ARID5B: variants seen among roughly 807,000 people sequenced by gnomAD.
ARID5B encodes the protein AT-rich interaction domain 5B.
A neutral mutation model predicts 97.2 loss-of-function variants in ARID5B; 13 were observed. The observed-to-expected ratio is 0.13, with a 90% CI of 0.09 to 0.21. The LOEUF (loss-of-function observed/expected upper bound fraction) is 0.21. ARID5B is among the 10% of genes least tolerant of loss of function. ARID5B has a pLI of 1.00. For synonymous variants in ARID5B, 556 were observed against 570.3 expected, an observed-to-expected ratio of 0.97 and a Z score of 0.36; for missense variants, 1,210 against 1,465.3, an observed-to-expected ratio of 0.83 and a Z score of 2.84.
chr10:61,927,828 G>A (rs185791916), intron 2 of ARID5B, among the ~76,000 whole-genome samples: 14 of 152,088 alleles, frequency 9.2e-5, no homozygotes, highest in Non-Finnish European at 1.8e-4. Flanking sequence ...TTATAATACC[G>A]CATGAAAGAA....
Position 62,000,117 on chromosome 10 carries a change from A to G in ARID5B, c.529A>G (p.Ile177Val), listed in dbSNP as rs2132867451. 1.9e-6 allele frequency: 3 copies of G among 1,613,964 alleles called. No homozygotes were observed. Among genetic ancestry groups the G allele is most frequent in the Non-Finnish European group, 2.5e-6 (3 of 1,179,906 alleles). ...GGAGGACGAGGAAGAAACGAACGTG[A>G]TAGTTCTCAGCTACCCCCAGTACTG... ...LGEDEEETNV[I>V]VLSYPQYCRY... Residue 177 changes from isoleucine (I) to valine (V), a missense_variant, in exon 4 of 10, where the codon ATA becomes GTA. Physicochemically the swap from Ile to Val is conservative, Grantham distance 29 (BLOSUM62 3). This residue lies in a region of ARID5B where 82 missense variants were observed against 79.3 expected (regional missense o/e 1.03). Transcript: ENST00000279873. This position sits in a 1 kb window ranked among gnomAD's most constrained non-coding sequence, Gnocchi z 4.4.
chr10:61,936,981 G>A lies in ARID5B; in HGVS notation c.277-3202G>A, dbSNP rs182019867. ...GCAATCTGGCTGCAGAGTCCAAGAT[G>A]CTGTCTTGGCAGATAGGAAACCTGG... On this transcript the variant is annotated intron_variant, in intron 2 of 9. Transcript: ENST00000279873. 4.3e-3 allele frequency among the ~76,000 whole-genome samples: 658 copies of A among 152,292 alleles called. 2 individuals are homozygous for A. The highest frequency in any genetic ancestry group is 6.7e-3 in the Non-Finnish European group (454 of 68,020).
Position 62,000,107 on chromosome 10 carries a change from A to C in ARID5B, c.519A>C (p.Glu173Asp). 1 of 1,613,934 alleles carries C rather than the reference A, an allele frequency of 6.2e-7. No homozygotes were observed. Among genetic ancestry groups the C allele is most frequent in the East Asian group, 2.2e-5 (1 of 44,856 alleles). Residue 173 changes from glutamate to aspartate, a missense_variant, in exon 4 of 10, where the codon GAA becomes GAC. By Grantham distance (45) the Glu-to-Asp change is conservative (BLOSUM62 2). Around this residue, in one of 8 missense-constraint regions of ARID5B, gnomAD observed 82 missense variants for 79.3 expected, o/e 1.03. Transcript: ENST00000279873. The surrounding 1 kb of genome is among the most constrained non-coding windows in gnomAD (Gnocchi z 4.4). ...EKADLGEDEE[E>D]TNVIVLSYPQ... Reference sequence around the variant, plus strand: ...TTTGTCTAGGGGAGGACGAGGAAGAAACGAACGTGATAGTTCTCAGCTACC... The same window carrying C: ...TTTGTCTAGGGGAGGACGAGGAAGACACGAACGTGATAGTTCTCAGCTACC...
At chr10:62,088,870 T>C (rs541645396) in intron 9 of ARID5B, among the ~76,000 whole-genome samples, 51 of 152,342 alleles carry the variant, frequency 3.3e-4, no homozygotes, top group African/African-American at 1.2e-3. Flanking sequence ...ATTCAAGTAA[T>C]GGGATTGCAA....
At chr10:62,014,565 A>G (rs1304838525) in intron 4 of ARID5B, among the ~76,000 whole-genome samples, 1 of 152,190 alleles carries the variant, frequency 6.6e-6, no homozygotes, top group African/African-American at 2.4e-5. Context: ...ATTAAGAAAA[A>G]GCACAGTGTA....
chr10:61,922,263 A>G (rs558729174), intron 2 of ARID5B, among the ~76,000 whole-genome samples: 13 of 152,200 alleles, frequency 8.5e-5, no homozygotes, highest in Non-Finnish European at 1.9e-4. Flanking sequence ...ATGAGGAAGG[A>G]GGATCCTGTA....
At chr10:62,016,375 C>T (rs1453296923) in intron 4 of ARID5B, among the ~76,000 whole-genome samples, 2 of 152,148 alleles carry the variant, frequency 1.3e-5, no homozygotes, top group African/African-American at 4.8e-5. Flanking sequence ...TAAGATACAC[C>T]ATTTTTATAT....
At chr10:61,911,756 G>A (rs1182225586) in intron 2 of ARID5B, among the ~76,000 whole-genome samples, 4 of 152,110 alleles carry the variant, frequency 2.6e-5, no homozygotes, top group South Asian at 4.2e-4. Context: ...GGGGGGCAGC[G>A]GGCAGAAGGG....
At chr10:62,066,600 C>T (rs1476352572) in intron 7 of ARID5B, among the ~76,000 whole-genome samples, 1 of 152,178 alleles carries the variant, frequency 6.6e-6, no homozygotes, top group Non-Finnish European at 1.5e-5. Context: ...CTGCACACAG[C>T]TTATTAATGC....
chr10:61,908,799 CAAAAA>C (rs369792859), intron 2 of ARID5B, among the ~76,000 whole-genome samples: 2 of 50,994 alleles, frequency 3.9e-5, no homozygotes, highest in Non-Finnish European at 6.9e-5. Context: ...GACTCCATCT[CAAAAA>C]AAAAAAAAAA....
chr10:61,976,588 A>G (rs1838701681), intron 3 of ARID5B, among the ~76,000 whole-genome samples: 1 of 152,216 alleles, frequency 6.6e-6, no homozygotes, highest in African/African-American at 2.4e-5. Flanking sequence ...GATGGGGAAA[A>G]TGAATAAAAT....
intron 4 of ARID5B, among the ~76,000 whole-genome samples, chr10:62,044,591 T>C (rs1381059476): frequency 2.6e-5 from 4 of 152,046 alleles, no homozygotes; most frequent in African/African-American, 9.7e-5. Flanking sequence ...CAAGCTGGTC[T>C]CAAGTTCCCG....
In ARID5B at chr10:61,994,570, T is replaced by C. The variant is rs553432429; in HGVS notation, c.503-5521T>C. On this transcript the variant is annotated intron_variant, in intron 3 of 9. Transcript: ENST00000279873. ...TTGTACAAAGACAACTTGAGCAACC[T>C]GCTATTCAGAATGAAGGCCTGCTCT... Among the ~76,000 whole-genome samples, 521 of 152,286 alleles carry C rather than the reference T, an allele frequency of 3.4e-3. 1 individual carries two copies. The highest frequency in any genetic ancestry group is 0.011 in the South Asian group (52 of 4,826).
At chr10:62,021,020 T>G (rs1839348370) in intron 4 of ARID5B, among the ~76,000 whole-genome samples, 1 of 130,328 alleles carries the variant, frequency 7.7e-6, no homozygotes, top group African/African-American at 3.1e-5. Context: ...ATCATGGGTT[T>G]GTCACATGAA....
intron 8 of ARID5B, among the ~76,000 whole-genome samples, chr10:62,077,115 C>G (rs557819836): frequency 1.3e-5 from 2 of 152,302 alleles, no homozygotes; most frequent in Admixed American, 6.5e-5. Flanking sequence ...TGAGTCAGTT[C>G]AATGCAAACA....
chr10:61,922,925 A>T (rs1273222825), intron 2 of ARID5B, among the ~76,000 whole-genome samples: 3 of 152,220 alleles, frequency 2.0e-5, no homozygotes, highest in African/African-American at 7.2e-5. Context: ...ATATGTAGGC[A>T]TTAGAGCTTT....
chr10:62,090,515 A>T (rs79719287), intron 9 of ARID5B, among the ~76,000 whole-genome samples: 1,761 of 152,320 alleles, frequency 0.012, 44 homozygotes, highest in African/African-American at 0.04. Flanking sequence ...TTTAAAACCC[A>T]TTTGGATAAT....
intron 3 of ARID5B, 94 bp from the exon 4 acceptor site, chr10:61,999,997 C>T: frequency 7.8e-7 from 1 of 1,283,326 alleles, no homozygotes; most frequent in Non-Finnish European, 1.1e-6. Flanking sequence ...CTTTTTAGTC[C>T]CAAACCAGAA....
intron 3 of ARID5B, among the ~76,000 whole-genome samples, chr10:61,978,436 T>C (rs1180732752): frequency 1.3e-5 from 2 of 152,226 alleles, no homozygotes; most frequent in Non-Finnish European, 2.9e-5. Flanking sequence ...ATTGAATCTA[T>C]AAATTACCTT....
Sources: allele counts gnomAD v4.1 joint callset (sites outside exome capture counted in the v4.1 genomes callset), GRCh38; gene constraint gnomAD v4.1.1; regional missense constraint gnomAD v4.1.1; non-coding constraint Gnocchi (gnomAD v3.1); transcripts MANE v1.5; gene names NCBI Gene and HGNC (gene_info 2026-07-23, HGNC 2026-07-21).